The following NDUFB1 variants were observed in gnomAD, a reference collection of about 807,000 sequenced individuals.
NDUFB1 encodes the protein NADH:ubiquinone oxidoreductase subunit B1, also known as NADH dehydrogenase [ubiquinone] 1 beta subcomplex subunit 1.
Under a neutral mutation model 6.7 loss-of-function variants are expected in NDUFB1, and 6 were observed. That is an observed-to-expected ratio of 0.89 (90% CI 0.49 to 1.76). The LOEUF (loss-of-function observed/expected upper bound fraction) is 1.76. NDUFB1 is among the 40% of genes most tolerant of loss of function. NDUFB1 has a pLI of 0.01. For synonymous variants in NDUFB1, 17 were observed against 22.9 expected, an observed-to-expected ratio of 0.74 and a Z score of 0.74; for missense variants, 56 against 71.0, an observed-to-expected ratio of 0.79 and a Z score of 0.76.
chr14:92,121,405 G>A, intron 1 of NDUFB1: 1 of 639,594 alleles, frequency 1.6e-6, no homozygotes, highest in Non-Finnish European at 2.6e-6. Context: ...CATCTCTACG[G>A]ACGTTTTCCT....
At chr14:92,118,984 G>GA in intron 1 of NDUFB1, 1 of 337,380 alleles carries the variant, frequency 3.0e-6, no homozygotes, top group East Asian at 1.8e-4. Flanking sequence ...AGAAAAAAAA[G>GA]AAAGAAAAAA....
chr14:92,116,334 T>A (rs1354440751), intron 2 of NDUFB1, 105 bp from the exon 3 acceptor site: 2 of 700,910 alleles, frequency 2.9e-6, no homozygotes, highest in Non-Finnish European at 4.3e-6. Flanking sequence ...TCATTTTCTT[T>A]TTTTTTTTTT....
intron 1 of NDUFB1, 75 bp from the exon 2 acceptor site, chr14:92,117,717 GC>G: frequency 1.4e-6 from 2 of 1,443,958 alleles, no homozygotes; most frequent in South Asian, 2.4e-5. Flanking sequence ...TTGCATCTGG[GC>G]CAGGTGCGGT....
At chr14:92,117,057 C>G (rs1200985665) in intron 2 of NDUFB1, among the ~76,000 whole-genome samples, 1 of 152,236 alleles carries the variant, frequency 6.6e-6, no homozygotes, top group Non-Finnish European at 1.5e-5. Context: ...CTGCCAGTTG[C>G]TATCACTCTA....
chr14:92,120,455 A>C (rs1204432139), intron 1 of NDUFB1: 1 of 150,270 alleles, frequency 6.7e-6, no homozygotes, highest in Non-Finnish European at 1.5e-5. Context: ...GATTCAAGGG[A>C]TTCTCCTACC....
intron 1 of NDUFB1, 130 bp downstream of exon 1, chr14:92,121,512 G>C (rs902978322): frequency 7.3e-7 from 1 of 1,367,050 alleles, no homozygotes; most frequent in South Asian, 1.2e-5. Flanking sequence ...CGTCACCTTC[G>C]TTCGGAAGCC....
chr14:92,119,156 C>G (rs10135661), intron 1 of NDUFB1, among the ~76,000 whole-genome samples: 1 of 151,044 alleles, frequency 6.6e-6, no homozygotes, highest in Non-Finnish European at 1.5e-5. Flanking sequence ...TACAAAAAAT[C>G]AAAAAATTAG....
At chr14:92,120,768 G>C (rs560257443) in intron 1 of NDUFB1, among the ~76,000 whole-genome samples, 3 of 149,290 alleles carry the variant, frequency 2.0e-5, no homozygotes, top group Non-Finnish European at 4.5e-5. Context: ...TGGCCGGGCT[G>C]GTCTCAAACT....
rs941469724 is a variant in NDUFB1, at chr14:92,121,458, G to A, written c.-6+184C>T. On this transcript the variant is annotated intron_variant, in intron 1 of 2. Coordinates refer to ENST00000605997, the MANE Select transcript of NDUFB1 (RefSeq NM_004545.4). ...AAACCCTTTCCAAAAGCTCCGGCCC[G>A]GAAATCCCATCCTCCACCCGAAGAA... The A allele has an allele frequency of 4.5e-6, 4 of 893,858 alleles. No homozygotes were observed. The African/African-American group carries it at 5.1e-5, about 11-fold the overall frequency. The allele number at this position is 893,858 out of a possible 1,614,324, so 55.4% of individuals were successfully genotyped here.
intron 2 of NDUFB1, among the ~76,000 whole-genome samples, chr14:92,116,493 C>A (rs7156158): frequency 6.6e-6 from 1 of 151,386 alleles, no homozygotes; most frequent in Admixed American, 6.6e-5. Context: ...GCCACCACAC[C>A]GAGCTAATTT....
In NDUFB1 at chr14:92,116,187, C is replaced by T. The variant is rs754456757; in HGVS notation, c.*6G>A. 2 of 1,611,198 alleles carry T rather than the reference C, an allele frequency of 1.2e-6. No individual in the cohort carries two copies. Among genetic ancestry groups the T allele is most frequent in the South Asian group, 2.2e-5 (2 of 91,000 alleles). On this transcript the variant is annotated 3_prime_UTR_variant, in exon 3 of 3. Coordinates refer to ENST00000605997, the MANE Select transcript of NDUFB1 (RefSeq NM_004545.4). ...AAATGTGAACATTCGATAATCTAGC[C>T]AGTCTTTACTTCCAGGTAACTTCTT... is the stretch of plus-strand genomic sequence containing the variant.
chr14:92,120,223 C>T (rs4548800), intron 1 of NDUFB1: 25,370 of 152,102 alleles, frequency 0.17, 2,375 homozygotes, highest in East Asian at 0.4. Flanking sequence ...TGACAACATC[C>T]TAGAAAGACA....
rs1040438267 is a variant in NDUFB1 at position 92,117,444 on chromosome 14, AAAG to A, written c.140+51_140+53del. 13 of 1,598,636 alleles carry A rather than the reference AAAG, an allele frequency of 8.1e-6. No homozygotes were observed. In the African/African-American group the frequency reaches 1.2e-4, roughly 15 times the overall value. The stretch of plus-strand genomic sequence containing the variant: ...TCTGTTTATTTTTGGCACATATCAA[AAAG>A]AATATTCCCCAAATTTGGCCAATTG... On this transcript the variant is annotated intron_variant, in intron 2 of 2. Coordinates refer to ENST00000605997, the MANE Select transcript of NDUFB1 (RefSeq NM_004545.4).
At chr14:92,121,391 G>T (rs1454560904) in intron 1 of NDUFB1, 2 of 605,072 alleles carry the variant, frequency 3.3e-6, no homozygotes, top group Non-Finnish European at 5.7e-6. Context: ...CGGTCACTGG[G>T]TCACATCTCT....
In NDUFB1 at chr14:92,121,682, A is replaced by C. The variant is rs1001524836; in HGVS notation, c.-46T>G. The C allele has an allele frequency of 1.9e-6, 3 of 1,613,550 alleles. No homozygotes were observed. The highest frequency in any genetic ancestry group is 1.7e-6 in the Non-Finnish European group (2 of 1,179,872). On this transcript the variant is annotated 5_prime_UTR_variant, in exon 1 of 3. Coordinates refer to ENST00000605997, the MANE Select transcript of NDUFB1 (RefSeq NM_004545.4). The stretch of plus-strand genomic sequence containing the variant: ...CTACAGCGACCCCGAGACCAAGGGC[A>C]ACAGGGAACTCAACCCGCGCCAGTG...
intron 1 of NDUFB1, chr14:92,118,953 G>T (rs542356675): frequency 1.1e-5 from 4 of 374,280 alleles, no homozygotes; most frequent in Non-Finnish European, 2.1e-5. Context: ...CAGCCTGGGG[G>T]ATACAGCGAG....
rs1333524916 is a variant in NDUFB1 at position 92,121,644 on chromosome 14, G to A, written c.-8C>T. Reference sequence around the variant, plus strand: ...CCCCCCGGGCTCCCCAAACCCACCTGCAGCCTCAGCGCCTACAGCGACCCC... The same window carrying A: ...CCCCCCGGGCTCCCCAAACCCACCTACAGCCTCAGCGCCTACAGCGACCCC... On this transcript the variant is annotated splice_region_variant and 5_prime_UTR_variant, in exon 1 of 3. Transcript: ENST00000605997. 3 of 1,612,954 alleles carry A rather than the reference G, an allele frequency of 1.9e-6. No individual in the cohort carries two copies. Among genetic ancestry groups the A allele is most frequent in the South Asian group, 2.2e-5 (2 of 91,046 alleles).
chr14:92,116,949 T>C (rs938926151), intron 2 of NDUFB1, among the ~76,000 whole-genome samples: 7 of 152,226 alleles, frequency 4.6e-5, no homozygotes, highest in Non-Finnish European at 1.0e-4. Flanking sequence ...GGCTTCCTCC[T>C]ACCCAGCTGT....
chr14:92,117,090 G>A (rs1311580241), intron 2 of NDUFB1, among the ~76,000 whole-genome samples: 4 of 152,178 alleles, frequency 2.6e-5, no homozygotes, highest in African/African-American at 9.7e-5. Flanking sequence ...AAGCTCTCAG[G>A]TAGTGCTGCT....
Sources: allele counts gnomAD v4.1 joint callset (sites outside exome capture counted in the v4.1 genomes callset), GRCh38; gene constraint gnomAD v4.1.1; transcripts MANE v1.5; gene names NCBI Gene and HGNC (gene_info 2026-07-23, HGNC 2026-07-21).